TAF4: variants seen among roughly 807,000 people sequenced by gnomAD.
TAF4 encodes transcription initiation factor TFIID subunit 4.
Under a neutral mutation model 90.3 loss-of-function variants are expected in TAF4, and 9 were observed. The observed-to-expected ratio is 0.10, with a 90% CI of 0.06 to 0.17. TAF4 has a LOEUF of 0.17. Among genes scored for constraint, TAF4 ranks in the 10% least tolerant of loss-of-function variants. The pLI, the probability that TAF4 is intolerant of heterozygous loss-of-function variation, is 1.00. For synonymous variants in TAF4, 818 were observed against 638.9 expected (o/e 1.28, Z -4.23); for missense variants, 1,351 against 1,370.7 (o/e 0.99, Z 0.23).
At chr20:62,015,187 T>C (rs2055805569) in intron 1 of TAF4, among the ~76,000 whole-genome samples, 2 of 151,950 alleles carry the variant, frequency 1.3e-5, no homozygotes, top group South Asian at 4.2e-4. Flanking sequence ...AGAGGGAGGG[T>C]GGGCCACGAG....
chr20:62,055,258 G>A (rs1431876742), intron 1 of TAF4, among the ~76,000 whole-genome samples: 3 of 150,302 alleles, frequency 2.0e-5, no homozygotes, highest in Admixed American at 1.3e-4. Flanking sequence ...CGCTGCCTGC[G>A]GGCAGTCCTG....
At chr20:62,059,540 T>G (rs2145522741) in intron 1 of TAF4, among the ~76,000 whole-genome samples, 1 of 152,342 alleles carries the variant, frequency 6.6e-6, no homozygotes, top group African/African-American at 2.4e-5. Flanking sequence ...CAGGCCCACC[T>G]GGAAGCAGAA....
intron 1 of TAF4, among the ~76,000 whole-genome samples, chr20:62,059,470 G>A (rs2056077926): frequency 6.6e-6 from 1 of 152,192 alleles, no homozygotes; most frequent in Admixed American, 6.5e-5. Context: ...TTCCACGCAA[G>A]AATTGGAAAG....
chr20:62,012,655 A>T, intron 3 of TAF4, 160 bp downstream of exon 3: 2 of 1,069,480 alleles, frequency 1.9e-6, no homozygotes, highest in Non-Finnish European at 2.5e-6. Context: ...GTTGGTGGTC[A>T]AAGAAAAAGC....
Position 62,065,036 on chromosome 20 carries a change from CGGGG to C in TAF4, c.771_774del (p.Ala259ProfsTer149). 1 of 435,510 alleles carries C rather than the reference CGGGG, an allele frequency of 2.3e-6. No individual in the cohort carries two copies. The highest frequency in any genetic ancestry group is 2.6e-6 in the Non-Finnish European group (1 of 383,136). The allele number at this position is 435,510 out of a possible 1,614,324, so 27.0% of individuals were successfully genotyped here. On this transcript the variant is annotated frameshift_variant, in exon 1 of 15. Coordinates refer to ENST00000252996, the MANE Select transcript of TAF4 (RefSeq NM_003185.4). LOFTEE classifies it high-confidence loss of function. The stretch of plus-strand genomic sequence containing the variant: ...GCGGGGGCGGCGGGCGCGGGGGCGG[CGGGG>C]GGCGAGGGCGCGGCGGGCGCGGGGG...
chr20:61,988,256 G>A (rs1273859807), intron 14 of TAF4, among the ~76,000 whole-genome samples: 1 of 96,494 alleles, frequency 1.0e-5, no homozygotes, highest in Non-Finnish European at 2.4e-5. Context: ...TCTAACAAAC[G>A]CACCACCCGG....
At chr20:62,059,303 T>C (rs948559890) in intron 1 of TAF4, among the ~76,000 whole-genome samples, 1 of 152,214 alleles carries the variant, frequency 6.6e-6, no homozygotes, top group Non-Finnish European at 1.5e-5. Flanking sequence ...AACATGTATC[T>C]CTTTGTTTTT....
In TAF4 at chr20:62,049,958, C is replaced by T. The variant is rs114360462; in HGVS notation, c.1360+14493G>A. Among the ~76,000 whole-genome samples the T allele has an allele frequency of 6.3e-3, 952 of 152,258 alleles. 12 individuals carry two copies. The highest frequency in any genetic ancestry group is 0.022 in the African/African-American group (903 of 41,534). On this transcript the variant is annotated intron_variant, in intron 1 of 14. Coordinates refer to ENST00000252996, the MANE Select transcript of TAF4 (RefSeq NM_003185.4). ...CCTGCTGCAGAAACCCAACCTGTCA[C>T]GGAGCACACAGCAGCCCCACGGAGC... is the stretch of plus-strand genomic sequence containing the variant.
chr20:61,992,160 T>G (rs2123112636), intron 14 of TAF4, among the ~76,000 whole-genome samples: 1 of 151,858 alleles, frequency 6.6e-6, no homozygotes, highest in African/African-American at 2.4e-5. Context: ...TAAAGACGAG[T>G]CACGGCATTA....
At chr20:62,007,413 C>T in intron 6 of TAF4, 134 bp downstream of exon 6, 1 of 768,020 alleles carries the variant, frequency 1.3e-6, no homozygotes, top group East Asian at 2.8e-5. Flanking sequence ...GAGTCCCCGG[C>T]CCCACCCCCG....
At chr20:61,979,038 G>A (rs1232557045) in intron 14 of TAF4, 1 of 153,214 alleles carries the variant, frequency 6.5e-6, no homozygotes, top group Admixed American at 6.5e-5. Flanking sequence ...TTTCCCATAG[G>A]GTCTTTGCTT....
At position 62,000,106 on chromosome 20, in the gene TAF4, C is replaced by G. The variant is rs763740249; in HGVS notation, c.2787+18G>C. On this transcript the variant is annotated intron_variant, in intron 11 of 14. Transcript: ENST00000252996. Reference sequence around the variant, plus strand: ...GCCAACAACATAAAGACGCTCTCCTCGGCAAACAGCCTGTTACCTTGTAAG... The same window carrying G: ...GCCAACAACATAAAGACGCTCTCCTGGGCAAACAGCCTGTTACCTTGTAAG... 4 of 1,614,096 alleles carry G rather than the reference C, an allele frequency of 2.5e-6. No homozygotes were observed. Among genetic ancestry groups the G allele is most frequent in the East Asian group, 4.5e-5 (2 of 44,896 alleles).
chr20:62,065,043 C>CGAGGGCGCG lies in TAF4; in HGVS notation c.759_767dup (p.Ala254_Ser256dup). On this transcript the variant is annotated inframe_insertion, in exon 1 of 15. Transcript: ENST00000252996. ...CGGCGGGCGCGGGGGCGGCGGGGGG[C>CGAGGGCGCG]GAGGGCGCGGCGGGCGCGGGGGGCG... The CGAGGGCGCG allele has an allele frequency of 5.2e-6, 3 of 577,354 alleles. No homozygotes were observed. The highest frequency in any genetic ancestry group is 7.6e-5 in the South Asian group (1 of 13,096). The allele number at this position is 577,354 out of a possible 1,614,324, so 35.8% of individuals were successfully genotyped here. A position where few individuals can be genotyped will look rare whatever the true frequency, so the allele number is the denominator to read the frequency against.
intron 5 of TAF4, 181 bp downstream of exon 5, chr20:62,008,871 T>A: frequency 1.4e-6 from 1 of 703,838 alleles, no homozygotes; most frequent in Non-Finnish European, 2.1e-6. Context: ...CAGGAAGGAG[T>A]CTCCTTAGCT....
intron 1 of TAF4, among the ~76,000 whole-genome samples, chr20:62,036,112 C>T (rs1005464347): frequency 6.6e-6 from 1 of 152,064 alleles, no homozygotes; most frequent in Non-Finnish European, 1.5e-5. Flanking sequence ...CAACCTCCCG[C>T]TCACGGGTTC....
chr20:62,009,894 G>A lies in TAF4; in HGVS notation c.1761+152C>T, dbSNP rs552272764. The A allele has an allele frequency of 6.3e-5, 79 of 1,253,556 alleles. 1 individual carries two copies. Among genetic ancestry groups the A allele is most frequent in the Admixed American group, 5.2e-4 (21 of 40,678 alleles). The allele number at this position is 1,253,556 out of a possible 1,614,324, so 77.7% of individuals were successfully genotyped here. ...ACACAGCACAGCAGCAGAGCCCCAC[G>A]TGCTCACGTGGGCCCCAGACTGTTC... On this transcript the variant is annotated intron_variant, in intron 4 of 14. Transcript: ENST00000252996.
Position 62,000,388 on chromosome 20 carries a change from G to A in TAF4, c.2657-134C>T, listed in dbSNP as rs930587583. 16 of 1,406,472 alleles carry A rather than the reference G, an allele frequency of 1.1e-5. No homozygotes were observed. In the African/African-American group the frequency reaches 1.7e-4, roughly 15 times the overall value. The allele number at this position is 1,406,472 out of a possible 1,614,324, so 87.1% of individuals were successfully genotyped here. On this transcript the variant is annotated intron_variant, in intron 10 of 14. Coordinates refer to ENST00000252996, the MANE Select transcript of TAF4 (RefSeq NM_003185.4). ...CCCAGAAAGGCTGGTGGGGTGGAAGGCAGTGGTACCCATATTTTACCCAAG... is the reference window on the plus strand; with the variant it reads ...CCCAGAAAGGCTGGTGGGGTGGAAGACAGTGGTACCCATATTTTACCCAAG...
intron 8 of TAF4, 95 bp from the exon 9 acceptor site, chr20:62,003,369 TCTC>T (rs2055720226): frequency 2.0e-6 from 2 of 985,876 alleles, no homozygotes; most frequent in Middle Eastern, 2.3e-4. Context: ...CAGCTACCAC[TCTC>T]CTAATTAGCT....
intron 4 of TAF4, 150 bp from the exon 5 acceptor site, chr20:62,009,324 T>C (rs1203822023): frequency 1.2e-6 from 1 of 848,394 alleles, no homozygotes; most frequent in Non-Finnish European, 1.7e-6. Context: ...CTTGGAACCC[T>C]GGGCCATGGG....
Sources: gnomAD v4.1 joint callset for allele counts (sites outside exome capture counted in the v4.1 genomes callset) on GRCh38, gnomAD v4.1.1 for gene constraint, MANE v1.5 for transcripts, NCBI Gene and HGNC (gene_info 2026-07-23, HGNC 2026-07-21) for gene names.